GAS7: variants seen among roughly 807,000 people sequenced by gnomAD.
GAS7 encodes the protein growth arrest specific 7, also known as growth arrest-specific protein 7.
In GAS7, 28 loss-of-function variants were observed where a neutral mutation model predicts 71.1. That is an observed-to-expected ratio of 0.39 (90% CI 0.29 to 0.54). The LOEUF is 0.54. Among genes scored for constraint, GAS7 ranks in the 20% least tolerant of loss-of-function variants. GAS7 has a pLI of 0.62. For synonymous variants in GAS7, 258 were observed against 245.8 expected (o/e 1.05, Z -0.46); for missense variants, 436 against 627.8 (o/e 0.69, Z 3.27).
chr17:10,120,616 G>A (rs996331736), intron 1 of GAS7, among the ~76,000 whole-genome samples: 4 of 152,222 alleles, frequency 2.6e-5, no homozygotes, highest in Admixed American at 6.5e-5. Flanking sequence ...GGGTGCTGAG[G>A]CAGTAGAATC....
At chr17:10,067,313 C>T (rs1385768351) in intron 1 of GAS7, among the ~76,000 whole-genome samples, 4 of 152,126 alleles carry the variant, frequency 2.6e-5, no homozygotes, top group South Asian at 2.1e-4. Context: ...GGCGCGATCT[C>T]GGCTCGCTGC....
At chr17:10,126,754 C>T (rs903718304) in intron 1 of GAS7, among the ~76,000 whole-genome samples, 1 of 152,204 alleles carries the variant, frequency 6.6e-6, no homozygotes, top group Non-Finnish European at 1.5e-5. Flanking sequence ...CCAGTCCCAG[C>T]GTGGGGCACG....
intron 1 of GAS7, among the ~76,000 whole-genome samples, chr17:10,157,808 A>G (rs2074216394): frequency 6.6e-6 from 1 of 152,076 alleles, no homozygotes; most frequent in Non-Finnish European, 1.5e-5. Context: ...GACACACACA[A>G]TTTCACACAC....
chr17:9,962,239 TACAC>T lies in GAS7; in HGVS notation c.472-2988_472-2985del, dbSNP rs58521200. On this transcript the variant is annotated intron_variant, in intron 4 of 13. Coordinates refer to ENST00000432992, the MANE Select transcript of GAS7 (RefSeq NM_201433.2). ...TCATATACATATCACGTGCATTTTATACACACACACACACACACACACACACACG... is the reference window on the plus strand; with the variant it reads ...TCATATACATATCACGTGCATTTTATACACACACACACACACACACACACG... 7.9e-3 allele frequency among the ~76,000 whole-genome samples: 1,176 copies of T among 148,720 alleles called. 12 individuals are homozygous for T. Among genetic ancestry groups the T allele is most frequent in the African/African-American group, 0.024 (961 of 40,208 alleles).
In GAS7 at chr17:10,099,787, C is replaced by G. The variant is rs375021553; in HGVS notation, c.184-79890G>C. ...GTGCCCTCTGCCCTGGCCTTCTCCC[C>G]AAGGTATACCCTCTCACCAACCTAA... On this transcript the variant is annotated intron_variant, in intron 1 of 13. Coordinates refer to ENST00000432992, the MANE Select transcript of GAS7 (RefSeq NM_201433.2). 3.4e-4 allele frequency among the ~76,000 whole-genome samples: 52 copies of G among 152,294 alleles called. No homozygotes were observed. In the South Asian group the frequency reaches 0.011, roughly 31 times the overall value.
intron 1 of GAS7, among the ~76,000 whole-genome samples, chr17:10,064,500 C>A (rs893524316): frequency 5.3e-5 from 8 of 152,236 alleles, no homozygotes; most frequent in African/African-American, 1.9e-4. Flanking sequence ...GGCCAATTAG[C>A]ACGTGCCCTC....
In GAS7 at chr17:10,039,673, A is replaced by T. The variant is rs138059144; in HGVS notation, c.184-19776T>A. 5.9e-3 allele frequency: 2,655 copies of T among 450,194 alleles called. 40 individuals carry two copies. Among genetic ancestry groups the T allele is most frequent in the South Asian group, 0.021 (1,322 of 63,768 alleles). The allele number at this position is 450,194 out of a possible 1,614,324, so 27.9% of individuals were successfully genotyped here. On this transcript the variant is annotated intron_variant, in intron 1 of 13. Transcript: ENST00000432992. ...ACTCCAACCTGGACGTCAGAGTGAG[A>T]CCCTGTCTCAAAAATAAATAAATAA...
chr17:10,059,283 T>G (rs1255369696), intron 1 of GAS7, among the ~76,000 whole-genome samples: 1 of 152,186 alleles, frequency 6.6e-6, no homozygotes, highest in Non-Finnish European at 1.5e-5. Context: ...TGGAGCCACG[T>G]GGCCTCTACA....
Position 9,926,533 on chromosome 17 carries a change from G to A in GAS7, c.1014+108C>T, listed in dbSNP as rs2092804344. ...ACATCCCCCTATTCCCCTACCTGGG[G>A]ACAAAGACTCAGCCTTGGCGTATGG... On this transcript the variant is annotated intron_variant, in intron 10 of 13. Transcript: ENST00000432992. The surrounding 1 kb of genome is among the most constrained non-coding windows in gnomAD (Gnocchi z 5.0). 7.5e-6 allele frequency: 9 copies of A among 1,207,956 alleles called. No homozygotes were observed. Among genetic ancestry groups the A allele is most frequent in the Non-Finnish European group, 1.1e-5 (9 of 837,282 alleles). 74.8% of individuals were successfully genotyped at this position (1,207,956 alleles called of 1,614,324 possible). A position where few individuals can be genotyped will look rare whatever the true frequency, so the allele number is the denominator to read the frequency against.
intron 1 of GAS7, among the ~76,000 whole-genome samples, chr17:10,068,662 G>T (rs2073308448): frequency 6.6e-6 from 1 of 152,060 alleles, no homozygotes; most frequent in Non-Finnish European, 1.5e-5. Flanking sequence ...TTCTCGGGAG[G>T]CTGAGATGGA....
chr17:9,988,849 CTTTT>C (rs554594604), intron 2 of GAS7, among the ~76,000 whole-genome samples: 2 of 131,762 alleles, frequency 1.5e-5, no homozygotes, highest in Non-Finnish European at 1.6e-5. Context: ...CTGTCATTTC[CTTTT>C]TTTTTTTTTT....
chr17:10,017,015 C>A (rs2072052783), intron 2 of GAS7, among the ~76,000 whole-genome samples: 1 of 150,460 alleles, frequency 6.6e-6, no homozygotes, highest in African/African-American at 2.4e-5. Flanking sequence ...CCTGCAATCC[C>A]AGCTACTCAG....
chr17:10,085,678 C>T (rs1180511744), intron 1 of GAS7, among the ~76,000 whole-genome samples: 3 of 112,026 alleles, frequency 2.7e-5, no homozygotes, highest in East Asian at 2.4e-4. Flanking sequence ...GGCGACAGAG[C>T]GAGATTCCGT....
intron 3 of GAS7, among the ~76,000 whole-genome samples, chr17:9,978,934 T>G (rs2070308040): frequency 6.6e-6 from 1 of 152,136 alleles, no homozygotes; most frequent in South Asian, 2.1e-4. Context: ...TTCTTTGTTG[T>G]GAAGACTTGC....
At chr17:10,195,745 T>A (rs373995202) in intron 1 of GAS7, among the ~76,000 whole-genome samples, 3 of 152,244 alleles carry the variant, frequency 2.0e-5, no homozygotes. Flanking sequence ...GACCTCTGCA[T>A]TCTCTGAGTC....
chr17:9,966,555 G>A (rs538218693), intron 4 of GAS7, among the ~76,000 whole-genome samples: 2 of 152,224 alleles, frequency 1.3e-5, no homozygotes, highest in South Asian at 4.2e-4. Context: ...GAATCTACTC[G>A]TCTGCATGCT....
chr17:10,003,035 A>G (rs559374490), intron 2 of GAS7, among the ~76,000 whole-genome samples: 1 of 152,210 alleles, frequency 6.6e-6, no homozygotes, highest in Non-Finnish European at 1.5e-5. Flanking sequence ...CTTATTTCCA[A>G]ATAAGATCAC....
At chr17:10,040,465 G>A (rs931771531) in intron 1 of GAS7, among the ~76,000 whole-genome samples, 68 of 152,192 alleles carry the variant, frequency 4.5e-4, no homozygotes, top group African/African-American at 1.4e-3. Flanking sequence ...GAGCCAGGGA[G>A]AAGTCACAAT....
intron 1 of GAS7, among the ~76,000 whole-genome samples, chr17:10,045,569 C>T (rs975931655): frequency 7.9e-5 from 12 of 151,932 alleles, no homozygotes; most frequent in Non-Finnish European, 1.3e-4. Context: ...TGGTGGTGGT[C>T]GCCTGTAATC....
Sources: allele counts gnomAD v4.1 joint callset (sites outside exome capture counted in the v4.1 genomes callset), GRCh38; gene constraint gnomAD v4.1.1; non-coding constraint Gnocchi (gnomAD v3.1); transcripts MANE v1.5; gene names NCBI Gene and HGNC (gene_info 2026-07-23, HGNC 2026-07-21).